RGS8: variants seen among roughly 807,000 people sequenced by gnomAD.
RGS8 encodes regulator of G-protein signaling 8.
Under a neutral mutation model 21.7 loss-of-function variants are expected in RGS8, and 8 were observed. The ratio of observed to expected loss-of-function variants is 0.37; its 90% CI spans 0.22 to 0.66. RGS8 has a LOEUF of 0.66. Ranked by LOEUF, RGS8 falls within the 30% of genes least tolerant of loss-of-function variation. RGS8 has a pLI of 0.59. For synonymous variants in RGS8, 80 were observed against 83.6 expected (o/e 0.96, Z 0.24); for missense variants, 157 against 217.9 (o/e 0.72, Z 1.76).
intron 5 of RGS8, among the ~76,000 whole-genome samples, chr1:182,652,791 C>A (rs554666045): frequency 9.7e-4 from 147 of 152,048 alleles, no homozygotes; most frequent in African/African-American, 3.2e-3. Context: ...CTTTGCCGGC[C>A]CTGAGGAGGG....
chr1:182,730,067 G>A, the RGS8 span, among the ~76,000 whole-genome samples: 12 of 152,230 alleles, frequency 7.9e-5, no homozygotes, highest in Admixed American at 2.6e-4. Flanking sequence ...ATAAGCAAAG[G>A]GCCTTAGAGG....
upstream of RGS8, among the ~76,000 whole-genome samples, chr1:182,686,349 A>G (rs1664708303): frequency 2.0e-5 from 3 of 152,144 alleles, no homozygotes; most frequent in South Asian, 6.2e-4. Flanking sequence ...TTTTGAGAAG[A>G]TACTAAGTGG....
At chr1:182,742,523 G>A in the RGS8 span, among the ~76,000 whole-genome samples, 1 of 152,244 alleles carries the variant, frequency 6.6e-6, no homozygotes, top group African/African-American at 2.4e-5. Flanking sequence ...GATCACTCGC[G>A]GTTAGGAGCT....
chr1:182,703,523 G>A, the RGS8 span, among the ~76,000 whole-genome samples: 1 of 152,034 alleles, frequency 6.6e-6, no homozygotes, highest in Non-Finnish European at 1.5e-5. Flanking sequence ...ACAACTTCAG[G>A]GGTTTTGTGA....
At chr1:182,680,943 G>T (rs754311470) in intron 1 of RGS8, among the ~76,000 whole-genome samples, 2 of 152,192 alleles carry the variant, frequency 1.3e-5, no homozygotes, top group South Asian at 4.1e-4. Context: ...CTCCAACTCT[G>T]CCCCTTTATG....
At chr1:182,748,816 T>A in the RGS8 span, among the ~76,000 whole-genome samples, 3 of 152,344 alleles carry the variant, frequency 2.0e-5, no homozygotes, top group South Asian at 6.2e-4. Flanking sequence ...TGAAATGGTA[T>A]CTCATTGGGA....
At chr1:182,724,805 G>A in the RGS8 span, among the ~76,000 whole-genome samples, 3 of 152,120 alleles carry the variant, frequency 2.0e-5, no homozygotes, top group Admixed American at 1.3e-4. Context: ...TGATCAACCC[G>A]CCTCGGCCTC....
At chr1:182,652,540 C>T (rs1210095895) in intron 5 of RGS8, among the ~76,000 whole-genome samples, 1 of 152,226 alleles carries the variant, frequency 6.6e-6, no homozygotes, top group Non-Finnish European at 1.5e-5. Context: ...TTGAAAACTT[C>T]ATATAAGGTA....
chr1:182,698,705 G>A, the RGS8 span, among the ~76,000 whole-genome samples: 2 of 152,300 alleles, frequency 1.3e-5, no homozygotes, highest in Non-Finnish European at 2.9e-5. Context: ...CACGATGAGA[G>A]TGAATTTGCT....
the RGS8 span, among the ~76,000 whole-genome samples, chr1:182,706,063 A>T: frequency 1.3e-5 from 2 of 151,982 alleles, no homozygotes; most frequent in Non-Finnish European, 2.9e-5. Flanking sequence ...GGTCCCCGCA[A>T]CCTCTGCCTC....
chr1:182,732,401 A>AT, the RGS8 span, among the ~76,000 whole-genome samples: 5 of 152,314 alleles, frequency 3.3e-5, no homozygotes, highest in Admixed American at 2.0e-4. Flanking sequence ...CAGTAAGTCT[A>AT]AATAAATATT....
chr1:182,672,690 C>T (rs1430365833), upstream of RGS8: 5 of 1,072,210 alleles, frequency 4.7e-6, no homozygotes, highest in African/African-American at 7.8e-5. Flanking sequence ...CTCCCTCATC[C>T]ATCACCTAGC....
At chr1:182,677,425 CCTA>C (rs1664401283), upstream of RGS8, among the ~76,000 whole-genome samples, 1 of 152,132 alleles carries the variant, frequency 6.6e-6, no homozygotes, top group African/African-American at 2.4e-5. Flanking sequence ...AATTAAATTT[CCTA>C]CTACTTCCTC....
chr1:182,684,800 G>A (rs1288394173), upstream of RGS8, among the ~76,000 whole-genome samples: 2 of 152,216 alleles, frequency 1.3e-5, no homozygotes, highest in Admixed American at 6.5e-5. The surrounding 1 kb of genome is among the most constrained non-coding windows in gnomAD (Gnocchi z 4.2). Context: ...GTTCAGAGGG[G>A]ATGGCAGAGG....
chr1:182,742,148 G>C, the RGS8 span, among the ~76,000 whole-genome samples: 1 of 149,788 alleles, frequency 6.7e-6, no homozygotes, highest in Non-Finnish European at 1.5e-5. Context: ...ATGGGCGGCC[G>C]GGCAGAGACG....
chr1:182,679,264 C>G (rs773213724), intron 1 of RGS8, among the ~76,000 whole-genome samples: 6 of 152,184 alleles, frequency 3.9e-5, no homozygotes, highest in Non-Finnish European at 8.8e-5. Flanking sequence ...AACCCCTTTG[C>G]CATTTGGCTT....
chr1:182,743,193 C>G, the RGS8 span, among the ~76,000 whole-genome samples: 1 of 152,176 alleles, frequency 6.6e-6, no homozygotes, highest in African/African-American at 2.4e-5. Context: ...ACCTGAACTT[C>G]AGTCCTGGCT....
At chr1:182,716,959 G>T in the RGS8 span, among the ~76,000 whole-genome samples, 1 of 152,192 alleles carries the variant, frequency 6.6e-6, no homozygotes, top group Non-Finnish European at 1.5e-5. Context: ...TTCCCCCAAG[G>T]TATAACGAAC....
chr1:182,669,040 G>A (rs1664021121), intron 3 of RGS8, among the ~76,000 whole-genome samples: 1 of 152,198 alleles, frequency 6.6e-6, no homozygotes, highest in Admixed American at 6.5e-5. Flanking sequence ...CATTTAACAA[G>A]GTTTAGCAGG....
Sources: gnomAD v4.1 joint callset for allele counts (sites outside exome capture counted in the v4.1 genomes callset) on GRCh38, gnomAD v4.1.1 for gene constraint, Gnocchi (gnomAD v3.1) non-coding constraint, MANE v1.5 for transcripts, NCBI Gene and HGNC (gene_info 2026-07-23, HGNC 2026-07-21) for gene names.